Variants in CUX1 observed in about 807,000 individuals in gnomAD.
CUX1 encodes protein CASP.
In CUX1, 31 loss-of-function variants were observed where a neutral mutation model predicts 158.8. The ratio of observed to expected loss-of-function variants is 0.20; its 90% CI spans 0.15 to 0.26. CUX1 has a LOEUF of 0.26. CUX1 is among the 10% of genes least tolerant of loss of function. The pLI is 1.00. For missense variants in CUX1, 1,589 were observed against 2,014.6 expected (o/e 0.79, Z 4.04); for synonymous variants, 879 against 862.1 (o/e 1.02, Z -0.34).
intron 22 of CUX1, among the ~76,000 whole-genome samples, chr7:102,237,168 A>G (rs1563465703): frequency 6.6e-6 from 1 of 152,188 alleles, no homozygotes; most frequent in Non-Finnish European, 1.5e-5. Flanking sequence ...TACCTTCTCA[A>G]TTGCTTCTGA....
chr7:101,874,825 T>C (rs1008376613), intron 1 of CUX1, among the ~76,000 whole-genome samples: 7 of 152,120 alleles, frequency 4.6e-5, no homozygotes, highest in African/African-American at 1.4e-4. Flanking sequence ...TTGAAGACAA[T>C]TGCACCTAAA....
At chr7:102,068,841 AGCAAGTGT>A (rs774138291) in intron 3 of CUX1, among the ~76,000 whole-genome samples, 2 of 152,194 alleles carry the variant, frequency 1.3e-5, no homozygotes, top group Non-Finnish European at 2.9e-5. Context: ...CTGTTGTCTC[AGCAAGTGT>A]GTAGGTAAGC....
intron 8 of CUX1, among the ~76,000 whole-genome samples, chr7:102,118,854 C>T (rs1296906853): frequency 2.6e-5 from 4 of 152,138 alleles, no homozygotes; most frequent in African/African-American, 7.2e-5. Flanking sequence ...TGGGTTCAAG[C>T]GATTCTCCTG....
At chr7:102,088,526 C>A (rs552140823) in intron 4 of CUX1, among the ~76,000 whole-genome samples, 1 of 151,898 alleles carries the variant, frequency 6.6e-6, no homozygotes, top group Non-Finnish European at 1.5e-5. Context: ...CCCAGCTACT[C>A]GGGAGGCTGA....
At chr7:102,034,985 A>G (rs1042754647) in intron 3 of CUX1, among the ~76,000 whole-genome samples, 4 of 151,708 alleles carry the variant, frequency 2.6e-5, no homozygotes, top group Admixed American at 6.6e-5. Flanking sequence ...GAATAGAGGG[A>G]AACATCTTAG....
intron 1 of CUX1, among the ~76,000 whole-genome samples, chr7:101,903,538 G>A (rs1476863877): frequency 6.6e-6 from 1 of 152,078 alleles, no homozygotes; most frequent in East Asian, 1.9e-4. Flanking sequence ...ACATTTTTTT[G>A]TAGCTCAAAA....
At chr7:101,970,511 T>C (rs1010466718) in intron 2 of CUX1, among the ~76,000 whole-genome samples, 1 of 152,236 alleles carries the variant, frequency 6.6e-6, no homozygotes, top group African/African-American at 2.4e-5. Context: ...GGACATGACC[T>C]CCCCACGCCT....
chr7:102,162,680 AATT>A (rs1554507566), intron 9 of CUX1, among the ~76,000 whole-genome samples: 2 of 151,996 alleles, frequency 1.3e-5, no homozygotes, highest in Non-Finnish European at 2.9e-5. Context: ...ACACCCAGCT[AATT>A]ATTGTGTTTT....
chr7:102,030,634 T>G (rs1292134400), intron 3 of CUX1, among the ~76,000 whole-genome samples: 1 of 150,592 alleles, frequency 6.6e-6, no homozygotes, highest in African/African-American at 2.4e-5. Flanking sequence ...TGAGGTCCAG[T>G]CAGGTTCACA....
chr7:102,081,857 C>G (rs1827454245), intron 4 of CUX1, among the ~76,000 whole-genome samples: 1 of 146,502 alleles, frequency 6.8e-6, no homozygotes, highest in Admixed American at 6.9e-5. Context: ...ATCTCCTGAC[C>G]TCGGGTGATG....
At chr7:101,998,427 G>T (rs919420286) in intron 2 of CUX1, among the ~76,000 whole-genome samples, 2 of 152,182 alleles carry the variant, frequency 1.3e-5, no homozygotes, top group African/African-American at 4.8e-5. Context: ...CTGCCCAAGG[G>T]TCGGGCAGGG....
chr7:102,134,530 C>T (rs567146559), intron 8 of CUX1, among the ~76,000 whole-genome samples: 118 of 152,302 alleles, frequency 7.7e-4, no homozygotes, highest in Non-Finnish European at 1.1e-3. Context: ...TAAGCATCTG[C>T]GTCAGACTGA....
intron 6 of CUX1, among the ~76,000 whole-genome samples, chr7:102,108,910 A>G (rs1410873995): frequency 6.6e-6 from 1 of 152,034 alleles, no homozygotes; most frequent in Non-Finnish European, 1.5e-5. Flanking sequence ...GCCCAACATC[A>G]CACCCAGCTA....
intron 2 of CUX1, among the ~76,000 whole-genome samples, chr7:101,953,327 A>G (rs1288518736): frequency 2.0e-5 from 3 of 152,238 alleles, no homozygotes; most frequent in Non-Finnish European, 4.4e-5. Context: ...TGCGGTAAGA[A>G]GCATTTAAAT....
At position 102,250,288 on chromosome 7, in the gene CUX1, AGCAG is replaced by A; in HGVS notation, c.*1251_*1254del. The A allele has an allele frequency of 1.0e-6, 1 of 985,458 alleles. No homozygotes were observed. The highest frequency in any genetic ancestry group is 1.2e-6 in the Non-Finnish European group (1 of 829,974). The allele number at this position is 985,458 out of a possible 1,614,324, so 61.0% of individuals were successfully genotyped here. On this transcript the variant is annotated 3_prime_UTR_variant, in exon 24 of 24. Transcript: ENST00000292535. ...AGGAGAGAGTAGTCCGGGCGAGCAC[AGCAG>A]GCAGTTCCAGGGCCAGACGGGCCCA... is the stretch of plus-strand genomic sequence containing the variant.
At chr7:101,874,879 A>T (rs1016236814) in intron 1 of CUX1, among the ~76,000 whole-genome samples, 1 of 152,228 alleles carries the variant, frequency 6.6e-6, no homozygotes. Flanking sequence ...GAGCGTTTGC[A>T]TCACACCTTC....
In CUX1 at chr7:102,248,710, G is replaced by A. The variant is rs1405532794; in HGVS notation, c.4186G>A (p.Val1396Met). 5 of 1,223,626 alleles carry A rather than the reference G, an allele frequency of 4.1e-6. No homozygotes were observed. The highest frequency in any genetic ancestry group is 3.3e-5 in the African/African-American group (2 of 60,372). The allele number at this position is 1,223,626 out of a possible 1,614,324, so 75.8% of individuals were successfully genotyped here. ...CGACGACGACCACGAGGGAGGCCCC[G>A]TGGAAGGCCCGGGGCCCCTGCCCAG... is the stretch of plus-strand genomic sequence containing the variant. ...ARDDDHEGGP[V>M]EGPGPLPSPA... Residue 1396 changes from valine (V) to methionine (M), a missense_variant, in exon 24 of 24, where the codon GTG (valine) becomes ATG (methionine). Transcript: ENST00000292535. The surrounding 1 kb of genome is among the most constrained non-coding windows in gnomAD (Gnocchi z 5.8).
chr7:102,078,384 G>A (rs1168979022), intron 4 of CUX1, among the ~76,000 whole-genome samples: 1 of 152,136 alleles, frequency 6.6e-6, no homozygotes, highest in African/African-American at 2.4e-5. Flanking sequence ...CCTAGTAATG[G>A]TGTATTTTAA....
chr7:101,860,316 C>T (rs990610871), intron 1 of CUX1, among the ~76,000 whole-genome samples: 5 of 152,310 alleles, frequency 3.3e-5, no homozygotes, highest in Admixed American at 6.5e-5. Context: ...GTTTCATCTC[C>T]GCCCCTGCCT....
Sources: gnomAD v4.1 joint callset for allele counts (sites outside exome capture counted in the v4.1 genomes callset) on GRCh38, gnomAD v4.1.1 for gene constraint, Gnocchi (gnomAD v3.1) non-coding constraint, MANE v1.5 for transcripts, NCBI Gene and HGNC (gene_info 2026-07-23, HGNC 2026-07-21) for gene names.